PTPRG: variants seen among roughly 807,000 people sequenced by gnomAD.
The protein encoded by PTPRG is receptor-type tyrosine-protein phosphatase gamma.
A neutral mutation model predicts 165.3 loss-of-function variants in PTPRG; 102 were observed. The observed-to-expected ratio is 0.62, with a 90% confidence interval of 0.53 to 0.73. PTPRG has a LOEUF of 0.73. Among genes scored for constraint, PTPRG ranks in the 30% least tolerant of loss-of-function variants. The pLI is 0.00. For missense variants in PTPRG, 1,866 were observed against 1,861.4 expected (o/e 1.00, Z -0.05); for synonymous variants, 675 against 669.5 (o/e 1.01, Z -0.13).
At chr3:61,875,380 TGA>T (rs10658090) in intron 2 of PTPRG, among the ~76,000 whole-genome samples, 1 of 151,532 alleles carries the variant, frequency 6.6e-6, no homozygotes, top group African/African-American at 2.4e-5. Context: ...CAAAACGTTT[TGA>T]GAGAGAGAGG....
At chr3:61,748,134 A>G (rs1354837983) in intron 1 of PTPRG, among the ~76,000 whole-genome samples, 1 of 152,172 alleles carries the variant, frequency 6.6e-6, no homozygotes, top group Non-Finnish European at 1.5e-5. Flanking sequence ...TTTTGTGGGC[A>G]TTGTGGGCCT....
chr3:62,204,145 T>A (rs545516607), intron 12 of PTPRG, among the ~76,000 whole-genome samples, 195 bp downstream of exon 12: 1 of 152,336 alleles, frequency 6.6e-6, no homozygotes, highest in Admixed American at 6.5e-5. Context: ...AAGCCTACTC[T>A]CTTACGCTGG....
chr3:61,596,293 G>A (rs1032649923), intron 1 of PTPRG, among the ~76,000 whole-genome samples: 1 of 152,148 alleles, frequency 6.6e-6, no homozygotes, highest in African/African-American at 2.4e-5. Context: ...AAATTAAGTG[G>A]AATTGTACCA....
chr3:61,973,700 T>A (rs1003080851), intron 2 of PTPRG, among the ~76,000 whole-genome samples: 1 of 151,882 alleles, frequency 6.6e-6, no homozygotes. Context: ...GGCGTGGTGG[T>A]GGGCGCCTAT....
chr3:61,632,327 A>C (rs1559532420), intron 1 of PTPRG, among the ~76,000 whole-genome samples: 1 of 152,102 alleles, frequency 6.6e-6, no homozygotes, highest in Non-Finnish European at 1.5e-5. Context: ...ATACACACAC[A>C]CACACACACA....
intron 2 of PTPRG, among the ~76,000 whole-genome samples, chr3:61,753,795 C>T (rs2033540428): frequency 6.6e-6 from 1 of 152,028 alleles, no homozygotes; most frequent in South Asian, 2.1e-4. Context: ...GGGGTTTCAC[C>T]ATGTTGGCCA....
chr3:61,689,834 T>C (rs1166683517), intron 1 of PTPRG, among the ~76,000 whole-genome samples: 1 of 152,210 alleles, frequency 6.6e-6, no homozygotes, highest in African/African-American at 2.4e-5. Flanking sequence ...TCATAAAAAT[T>C]AGTTGATCAG....
At chr3:62,131,844 G>A (rs774076668) in intron 5 of PTPRG, among the ~76,000 whole-genome samples, 1 of 152,146 alleles carries the variant, frequency 6.6e-6, no homozygotes, top group African/African-American at 2.4e-5. Context: ...AATTCAAGAC[G>A]TCATTTCATG....
At chr3:61,950,877 G>T (rs2039883385) in intron 2 of PTPRG, among the ~76,000 whole-genome samples, 1 of 152,174 alleles carries the variant, frequency 6.6e-6, no homozygotes, top group African/African-American at 2.4e-5. Context: ...CCTATTTGAA[G>T]AACGGGATTT....
At chr3:62,106,689 G>C (rs1316530681) in intron 5 of PTPRG, among the ~76,000 whole-genome samples, 2 of 152,104 alleles carry the variant, frequency 1.3e-5, no homozygotes, top group Non-Finnish European at 2.9e-5. Context: ...GTTTTGTAGA[G>C]ATGGGGTTTC....
At chr3:61,737,664 C>T (rs192970846) in intron 1 of PTPRG, among the ~76,000 whole-genome samples, 1 of 152,090 alleles carries the variant, frequency 6.6e-6, no homozygotes, top group Admixed American at 6.5e-5. Context: ...TGAGGTCCAC[C>T]CCCTTCATGA....
chr3:61,795,369 A>C (rs945624342), intron 2 of PTPRG, among the ~76,000 whole-genome samples: 5 of 152,112 alleles, frequency 3.3e-5, no homozygotes, highest in African/African-American at 9.7e-5. Flanking sequence ...TAGGCCGGGC[A>C]TGATGGCTCA....
chr3:62,277,155 T>C, intron 25 of PTPRG, 107 bp downstream of exon 25: 1 of 855,320 alleles, frequency 1.2e-6, no homozygotes, highest in Non-Finnish European at 1.9e-6. Context: ...TTTCTCAATG[T>C]GTAATATGAA....
At chr3:61,565,610 A>ATT (rs913437378) in intron 1 of PTPRG, among the ~76,000 whole-genome samples, 1 of 148,960 alleles carries the variant, frequency 6.7e-6, no homozygotes, top group African/African-American at 2.5e-5. Flanking sequence ...AGCTCAGCAG[A>ATT]TTTTTTTTTT....
intron 4 of PTPRG, among the ~76,000 whole-genome samples, chr3:62,009,598 G>C (rs2041371252): frequency 6.6e-6 from 1 of 152,156 alleles, no homozygotes; most frequent in Non-Finnish European, 1.5e-5. Flanking sequence ...GAATACGTCT[G>C]TCACATTTTG....
intron 4 of PTPRG, among the ~76,000 whole-genome samples, chr3:62,032,730 AG>A (rs1699810388): frequency 6.6e-6 from 1 of 152,224 alleles, no homozygotes; most frequent in South Asian, 2.1e-4. Flanking sequence ...GGATTTCAGG[AG>A]TGACATGTAG....
intron 2 of PTPRG, among the ~76,000 whole-genome samples, chr3:61,784,269 A>G (rs659830): frequency 0.88 from 134,470 of 152,210 alleles, 59,639 homozygotes; most frequent in East Asian, 0.95. Context: ...GCTGAGTGGC[A>G]GTGGGGTTGG....
intron 1 of PTPRG, among the ~76,000 whole-genome samples, chr3:61,746,806 G>A (rs778160664): frequency 6.6e-6 from 1 of 152,108 alleles, no homozygotes; most frequent in Non-Finnish European, 1.5e-5. Flanking sequence ...TGGGGATATG[G>A]TTATTACAAA....
At chr3:61,959,938 T>G (rs1476910177) in intron 2 of PTPRG, among the ~76,000 whole-genome samples, 2 of 152,118 alleles carry the variant, frequency 1.3e-5, no homozygotes, top group African/African-American at 4.8e-5. Flanking sequence ...TCTGTGCTGT[T>G]CTCATCGTTG....
Sources: allele counts gnomAD v4.1 joint callset (sites outside exome capture counted in the v4.1 genomes callset), GRCh38; gene constraint gnomAD v4.1.1; transcripts MANE v1.5; gene names NCBI Gene and HGNC (gene_info 2026-07-23, HGNC 2026-07-21).